SACS: variants seen among roughly 807,000 people sequenced by gnomAD.
SACS encodes the protein sacsin.
Under a neutral mutation model 348.0 loss-of-function variants are expected in SACS, and 197 were observed. That is an observed-to-expected ratio of 0.57 (90% confidence interval 0.50 to 0.64). The LOEUF (loss-of-function observed/expected upper bound fraction) is 0.64, where lower values mean the gene tolerates loss of function less well. Among genes scored for constraint, SACS ranks in the 30% least tolerant of loss-of-function variants. The pLI is 0.00. For synonymous variants in SACS, 1,985 were observed against 1,910.6 expected (o/e 1.04, Z -1.02); for missense variants, 4,999 against 5,360.8 (o/e 0.93, Z 2.11).
At chr13:23,406,743 G>A (rs879351908) in intron 2 of SACS, among the ~76,000 whole-genome samples, 9 of 151,960 alleles carry the variant, frequency 5.9e-5, no homozygotes, top group Admixed American at 2.6e-4. Flanking sequence ...AACCCCTCAC[G>A]TCATCAATTA....
chr13:23,369,327 T>A (rs1295435063), intron 4 of SACS, among the ~76,000 whole-genome samples: 1 of 152,092 alleles, frequency 6.6e-6, no homozygotes, highest in Non-Finnish European at 1.5e-5. Flanking sequence ...ACTGACCAGG[T>A]CACCTTCAGA....
intron 4 of SACS, among the ~76,000 whole-genome samples, chr13:23,370,235 G>T (rs1253437918): frequency 6.6e-6 from 1 of 152,178 alleles, no homozygotes; most frequent in Non-Finnish European, 1.5e-5. Context: ...ATCCCAATGG[G>T]ATATGATTTC....
intron 1 of SACS, among the ~76,000 whole-genome samples, chr13:23,432,823 G>A (rs966046466): frequency 3.9e-5 from 6 of 152,094 alleles, no homozygotes; most frequent in African/African-American, 9.7e-5. Flanking sequence ...TTACTTAAGC[G>A]GAATGGGCTT....
At chr13:23,379,666 C>G (rs1871962278) in intron 2 of SACS, among the ~76,000 whole-genome samples, 1 of 152,194 alleles carries the variant, frequency 6.6e-6, no homozygotes, top group African/African-American at 2.4e-5. Flanking sequence ...GACAGACCCT[C>G]TGTGGGGTGC....
chr13:23,430,407 T>C (rs529690411), intron 1 of SACS, among the ~76,000 whole-genome samples: 78 of 152,322 alleles, frequency 5.1e-4, no homozygotes, highest in Admixed American at 1.2e-3. Context: ...ATTATAAATA[T>C]AAACATATAC....
chr13:23,348,067 G>A (rs549163060), intron 9 of SACS, among the ~76,000 whole-genome samples: 16 of 152,058 alleles, frequency 1.1e-4, no homozygotes, highest in Non-Finnish European at 1.9e-4. Flanking sequence ...AACTGTTCTT[G>A]TTTCCTTTTT....
In SACS at chr13:23,331,439, G is replaced by A. The variant is rs139538222; in HGVS notation, c.12437C>T (p.Ser4146Leu). 2.7e-5 allele frequency: 44 copies of A among 1,613,856 alleles called. No individual in the cohort carries two copies. Among genetic ancestry groups the A allele is most frequent in the South Asian group, 8.8e-5 (8 of 91,070 alleles). ...LDSLGVKYDS[S>L]EPSKLELPMP... ...TGGAAGTTCCAGTTTTGATGGCTCCGAAGAGTCATATTTCACTCCTAAACT... is the reference window on the plus strand; with the variant it reads ...TGGAAGTTCCAGTTTTGATGGCTCCAAAGAGTCATATTTCACTCCTAAACT... The change falls in exon 10 of 10, where the codon TCG becomes TTG. Residue 4146 changes from serine to leucine, a missense_variant. By Grantham distance (145) the Ser-to-Leu change is moderately radical. Around this residue, in one of 6 missense-constraint regions of SACS, gnomAD observed 831 missense variants for 941.8 expected, o/e 0.88. Transcript: ENST00000382292.
chr13:23,409,258 T>C (rs1201965360), intron 2 of SACS, among the ~76,000 whole-genome samples: 3 of 150,232 alleles, frequency 2.0e-5, no homozygotes, highest in Non-Finnish European at 4.4e-5. Context: ...GGTTTCACTG[T>C]GTTAGCCAGG....
At chr13:23,421,511 C>A (rs570432496) in intron 1 of SACS, among the ~76,000 whole-genome samples, 91 of 152,158 alleles carry the variant, frequency 6.0e-4, no homozygotes, top group Middle Eastern at 3.4e-3. Flanking sequence ...AGGCCTGTTG[C>A]CTACATAGTG....
At chr13:23,400,292 C>A (rs1005271731) in intron 2 of SACS, among the ~76,000 whole-genome samples, 4 of 152,150 alleles carry the variant, frequency 2.6e-5, no homozygotes, top group Admixed American at 6.5e-5. Flanking sequence ...TATATAGGGT[C>A]AAATATAACC....
chr13:23,337,654 A>G lies in SACS; in HGVS notation c.6222T>C (p.Asp2074=), dbSNP rs751390197. The G allele has an allele frequency of 1.5e-5, 24 of 1,613,538 alleles. No individual in the cohort carries two copies. In the South Asian group the frequency reaches 2.4e-4, roughly 16 times the overall value. The change falls in exon 10 of 10, where the codon GAT becomes GAC. Residue 2074 remains aspartate (D), a synonymous_variant. Transcript: ENST00000382292. The part of the protein sequence containing the change: ...NIQEIEAELR[D]PLMIFVLNEK... The stretch of plus-strand genomic sequence containing the variant: ...CATTTAGAACAAAGATCATTAAAGG[A>G]TCTCTAAGTTCTGCTTCAATTTCTT...
chr13:23,429,195 T>C lies in SACS; in HGVS notation c.-502+4420A>G, dbSNP rs940384298. Among the ~76,000 whole-genome samples the C allele has an allele frequency of 6.6e-5, 10 of 152,092 alleles. 1 individual carries two copies. Among genetic ancestry groups the C allele is most frequent in the Admixed American group, 2.0e-4 (3 of 15,268 alleles). On this transcript the variant is annotated intron_variant, in intron 1 of 9. Coordinates refer to ENST00000382292, the MANE Select transcript of SACS (RefSeq NM_014363.6). Reference sequence around the variant, plus strand: ...TTAAGTGTCATTTCAGAATACATAATATCTTAATTGATATTATCTAATAAT... The same window carrying C: ...TTAAGTGTCATTTCAGAATACATAACATCTTAATTGATATTATCTAATAAT...
intron 9 of SACS, among the ~76,000 whole-genome samples, chr13:23,346,305 TG>T (rs1348451814): frequency 6.6e-6 from 1 of 152,098 alleles, no homozygotes; most frequent in East Asian, 1.9e-4. Flanking sequence ...CCACCACGCC[TG>T]GCTAATTTTT....
At chr13:23,378,613 G>A (rs1038939283) in intron 2 of SACS, among the ~76,000 whole-genome samples, 11 of 152,054 alleles carry the variant, frequency 7.2e-5, no homozygotes, top group African/African-American at 2.7e-4. Flanking sequence ...GCTAATTTTT[G>A]TATTTTTAGT....
chr13:23,337,110 G>A lies in SACS; in HGVS notation c.6766C>T (p.Leu2256Phe). Residue 2256 changes from leucine (L) to phenylalanine (F), a missense_variant, in exon 10 of 10, where the codon CTT becomes TTT. Physicochemically the swap from Leu to Phe is conservative, Grantham distance 22. Around this residue, in one of 6 missense-constraint regions of SACS, gnomAD observed 3,156 missense variants for 3,380.1 expected, o/e 0.93. Coordinates refer to ENST00000382292, the MANE Select transcript of SACS (RefSeq NM_014363.6). ...YTAEHQDIVC[L>F]LQPILNENSH... Reference sequence around the variant, plus strand: ...TTTTCATTTAGAATTGGTTGCAAAAGACAAACTATATCTTGATGTTCAGCT... The same window carrying A: ...TTTTCATTTAGAATTGGTTGCAAAAAACAAACTATATCTTGATGTTCAGCT... The A allele has an allele frequency of 6.2e-7, 1 of 1,613,976 alleles. No individual in the cohort carries two copies. Among genetic ancestry groups the A allele is most frequent in the Non-Finnish European group, 8.5e-7 (1 of 1,179,910 alleles).
intron 1 of SACS, among the ~76,000 whole-genome samples, chr13:23,413,625 C>T (rs925955569): frequency 6.6e-6 from 1 of 152,156 alleles, no homozygotes; most frequent in Admixed American, 6.5e-5. Context: ...ATTATCAGTT[C>T]TTGGATGTTC....
At position 23,365,149 on chromosome 13, in the gene SACS, T is replaced by C; in HGVS notation, c.457+17A>G. The C allele has an allele frequency of 2.6e-6, 4 of 1,542,708 alleles. No individual in the cohort carries two copies. The highest frequency in any genetic ancestry group is 3.6e-6 in the Non-Finnish European group (4 of 1,119,508). Reference sequence around the variant, plus strand: ...TAGTGCATACAATAAAATTTGTTCCTAATTATTGATTCTTACCCTGATATG... The same window carrying C: ...TAGTGCATACAATAAAATTTGTTCCCAATTATTGATTCTTACCCTGATATG... On this transcript the variant is annotated intron_variant, in intron 6 of 9. Transcript: ENST00000382292.
intron 4 of SACS, among the ~76,000 whole-genome samples, chr13:23,369,367 A>C (rs2137806325): frequency 1.3e-5 from 2 of 152,314 alleles, no homozygotes; most frequent in South Asian, 4.1e-4. Flanking sequence ...AAGAACAAGA[A>C]AATGGGAAGT....
intron 2 of SACS, among the ~76,000 whole-genome samples, chr13:23,396,276 A>T (rs1282316730): frequency 2.7e-5 from 4 of 150,348 alleles, no homozygotes; most frequent in African/African-American, 7.4e-5. Flanking sequence ...GTGAGCCAAG[A>T]GTGTGCCACT....
Sources: allele counts gnomAD v4.1 joint callset (sites outside exome capture counted in the v4.1 genomes callset), GRCh38; gene constraint gnomAD v4.1.1; regional missense constraint gnomAD v4.1.1; transcripts MANE v1.5; gene names NCBI Gene and HGNC (gene_info 2026-07-23, HGNC 2026-07-21).